SLC25A21: variants seen among roughly 807,000 people sequenced by gnomAD.
SLC25A21 encodes mitochondrial 2-oxodicarboxylate carrier.
SLC25A21 carries 47 observed loss-of-function variants against 43.8 expected under a neutral mutation model. That is an observed-to-expected ratio of 1.07 (90% CI 0.85 to 1.37). The LOEUF (loss-of-function observed/expected upper bound fraction) is 1.37. SLC25A21 is among the 40% of genes most tolerant of loss of function. The pLI, the probability that SLC25A21 is intolerant of heterozygous loss-of-function variation, is 0.00. For missense variants in SLC25A21, 352 were observed against 350.2 expected (o/e 1.00, Z -0.04); for synonymous variants, 131 against 121.3 (o/e 1.08, Z -0.52).
chr14:37,142,572 G>A (rs774697662), intron 1 of SLC25A21, among the ~76,000 whole-genome samples: 3 of 152,098 alleles, frequency 2.0e-5, no homozygotes, highest in Non-Finnish European at 4.4e-5. Context: ...TATGTTACCA[G>A]GCTGATCCGG....
intron 1 of SLC25A21, among the ~76,000 whole-genome samples, chr14:37,101,533 T>C (rs1237941318): frequency 4.6e-5 from 7 of 152,332 alleles, no homozygotes; most frequent in Admixed American, 6.5e-5. Context: ...AAAATATTCA[T>C]GTATGAAGAC....
At chr14:36,827,596 T>G (rs1888879942) in intron 2 of SLC25A21, among the ~76,000 whole-genome samples, 1 of 152,230 alleles carries the variant, frequency 6.6e-6, no homozygotes, top group Admixed American at 6.5e-5. Flanking sequence ...GTACCTTCAG[T>G]GGTGAAATCA....
In SLC25A21 at chr14:37,148,022, G is replaced by C. The variant is rs376046526; in HGVS notation, c.70+24259C>G. On this transcript the variant is annotated intron_variant, in intron 1 of 9. Coordinates refer to ENST00000331299, the MANE Select transcript of SLC25A21 (RefSeq NM_030631.4). ...CTGGCTGATTTTTGTATTTTTAGTA[G>C]AGACGGGGTTTCTCCATGTTGGTCA... Among the ~76,000 whole-genome samples, 23 of 151,800 alleles carry C rather than the reference G, an allele frequency of 1.5e-4. 2 individuals carry two copies. The highest frequency in any genetic ancestry group is 5.6e-4 in the African/African-American group (23 of 41,434).
rs1000668030 is a variant in SLC25A21 at position 37,164,458 on chromosome 14, TAC to T, written c.70+7821_70+7822del. On this transcript the variant is annotated intron_variant, in intron 1 of 9. Coordinates refer to ENST00000331299, the MANE Select transcript of SLC25A21 (RefSeq NM_030631.4). ...AACCTGCTATTTATTATCAAACAAT[TAC>T]AGTTTCCCAAATCCTGAATTTCCAA... Among the ~76,000 whole-genome samples, 7 of 152,262 alleles carry T rather than the reference TAC, an allele frequency of 4.6e-5. 1 individual carries two copies. In the South Asian group the frequency reaches 1.0e-3, roughly 23 times the overall value.
At chr14:36,768,349 C>T (rs1057441658) in intron 3 of SLC25A21, among the ~76,000 whole-genome samples, 1 of 152,106 alleles carries the variant, frequency 6.6e-6, no homozygotes, top group African/African-American at 2.4e-5. Context: ...AGCCTTAAAA[C>T]AATAAAGAGA....
intron 7 of SLC25A21, among the ~76,000 whole-genome samples, chr14:36,705,154 C>T (rs1594506715): frequency 6.6e-6 from 1 of 152,072 alleles, no homozygotes; most frequent in Non-Finnish European, 1.5e-5. Flanking sequence ...CATTTTCCTG[C>T]CTTAGCCTCC....
At chr14:36,786,534 A>G (rs916236233) in intron 3 of SLC25A21, among the ~76,000 whole-genome samples, 5 of 152,150 alleles carry the variant, frequency 3.3e-5, no homozygotes, top group Non-Finnish European at 7.4e-5. Flanking sequence ...GAATATTCCT[A>G]ATTTGTGTCT....
chr14:36,959,384 A>C (rs752612027), intron 1 of SLC25A21, among the ~76,000 whole-genome samples: 1 of 152,166 alleles, frequency 6.6e-6, no homozygotes, highest in Non-Finnish European at 1.5e-5. Flanking sequence ...AATGTCTTTA[A>C]ACATTCTAAT....
chr14:37,089,639 G>A (rs912799936), intron 1 of SLC25A21, among the ~76,000 whole-genome samples: 11 of 152,160 alleles, frequency 7.2e-5, no homozygotes, highest in African/African-American at 2.7e-4. Flanking sequence ...GACTTTCTTA[G>A]AGAGTAAGGC....
chr14:36,938,494 T>C (rs1025671413), intron 1 of SLC25A21, among the ~76,000 whole-genome samples: 1 of 152,178 alleles, frequency 6.6e-6, no homozygotes, highest in Non-Finnish European at 1.5e-5. Flanking sequence ...TTGTCATCTC[T>C]GTGTTACGGC....
intron 1 of SLC25A21, among the ~76,000 whole-genome samples, chr14:37,048,598 A>G (rs1961638778): frequency 6.6e-6 from 1 of 152,172 alleles, no homozygotes; most frequent in South Asian, 2.1e-4. Flanking sequence ...TCATAAGCCT[A>G]TGACATCTGA....
chr14:37,128,514 C>T (rs925482720), intron 1 of SLC25A21, among the ~76,000 whole-genome samples: 3 of 135,178 alleles, frequency 2.2e-5, no homozygotes, highest in Admixed American at 1.6e-4. Context: ...TTAAGCATTA[C>T]TTTCTGTCTC....
In SLC25A21 at chr14:36,678,155, C is replaced by T; in HGVS notation, c.*2503G>A. The T allele has an allele frequency of 2.6e-6, 1 of 380,456 alleles. No individual in the cohort carries two copies. The highest frequency in any genetic ancestry group is 2.0e-5 in the African/African-American group (1 of 49,850). The allele number at this position is 380,456 out of a possible 1,614,324, so 23.6% of individuals were successfully genotyped here. A position where few individuals can be genotyped will look rare whatever the true frequency, so the allele number is the denominator to read the frequency against. On this transcript the variant is annotated 3_prime_UTR_variant, in exon 10 of 10. Coordinates refer to ENST00000331299, the MANE Select transcript of SLC25A21 (RefSeq NM_030631.4). Reference sequence around the variant, plus strand: ...TCTTCCGGTCTGTGCTGTGCACAGTCTACATGGCAATGCGGTTCCACCACA... The same window carrying T: ...TCTTCCGGTCTGTGCTGTGCACAGTTTACATGGCAATGCGGTTCCACCACA...
At chr14:36,835,781 G>A (rs1401081534) in intron 2 of SLC25A21, among the ~76,000 whole-genome samples, 1 of 152,164 alleles carries the variant, frequency 6.6e-6, no homozygotes, top group African/African-American at 2.4e-5. Flanking sequence ...GTATGTTCAA[G>A]GATGGCAAAT....
chr14:36,773,632 AT>A (rs1047828283), intron 3 of SLC25A21, among the ~76,000 whole-genome samples: 1 of 152,228 alleles, frequency 6.6e-6, no homozygotes, highest in African/African-American at 2.4e-5. Context: ...AGCAAATATA[AT>A]AGTAACATTT....
At chr14:36,883,058 C>A (rs1179448680) in intron 1 of SLC25A21, among the ~76,000 whole-genome samples, 1 of 152,158 alleles carries the variant, frequency 6.6e-6, no homozygotes, top group Non-Finnish European at 1.5e-5. Context: ...ATCCCTCCAT[C>A]TACCTTTGAC....
chr14:37,101,086 T>C (rs1347157134), intron 1 of SLC25A21, among the ~76,000 whole-genome samples: 8 of 152,218 alleles, frequency 5.3e-5, no homozygotes, highest in Admixed American at 3.9e-4. Context: ...AAGCCTTTTA[T>C]TGTGTATTGA....
chr14:37,103,687 C>T (rs1202758743), intron 1 of SLC25A21, among the ~76,000 whole-genome samples: 1 of 152,152 alleles, frequency 6.6e-6, no homozygotes, highest in Admixed American at 6.5e-5. Flanking sequence ...TCTTCCCTTG[C>T]TGTCTAGACA....
intron 1 of SLC25A21, among the ~76,000 whole-genome samples, chr14:37,064,676 AACACCCCATTCT>A (rs1962023865): frequency 6.6e-6 from 1 of 152,032 alleles, no homozygotes; most frequent in Non-Finnish European, 1.5e-5. Flanking sequence ...CACCATCACC[AACACCCCATTCT>A]ATGAATTAAC....
Sources: allele counts gnomAD v4.1 joint callset (sites outside exome capture counted in the v4.1 genomes callset), GRCh38; gene constraint gnomAD v4.1.1; transcripts MANE v1.5; gene names NCBI Gene and HGNC (gene_info 2026-07-23, HGNC 2026-07-21).